The following LDHAL6A variants were observed in gnomAD, a reference collection of about 807,000 sequenced individuals.
LDHAL6A encodes the protein L-lactate dehydrogenase A-like 6A.
In LDHAL6A, 19 loss-of-function variants were observed where a neutral mutation model predicts 28.2. The ratio of observed to expected loss-of-function variants is 0.67; its 90% CI spans 0.47 to 0.99. The LOEUF is 0.99. LDHAL6A is among the 50% of genes least tolerant of loss of function. The probability of loss-of-function intolerance (pLI) is 0.00; values close to 1 mark genes in which losing one functional copy is unlikely to be tolerated. For synonymous variants in LDHAL6A, 144 were observed against 134.4 expected (o/e 1.07, Z -0.49); for missense variants, 372 against 398.6 (o/e 0.93, Z 0.57).
At chr11:18,458,598 T>C (rs953987826) in intron 1 of LDHAL6A, among the ~76,000 whole-genome samples, 1 of 152,208 alleles carries the variant, frequency 6.6e-6, no homozygotes, top group Non-Finnish European at 1.5e-5. Context: ...CTGCAACTTC[T>C]GTCATTCAAG....
chr11:18,467,994 TATATATACGTATATATATAC>T (rs1292823654), intron 3 of LDHAL6A, among the ~76,000 whole-genome samples: 902 of 62,308 alleles, frequency 0.014, 41 homozygotes, highest in African/African-American at 0.045. Context: ...TATATATGCA[TATATATACGTATATATATAC>T]ATATATATAC....
chr11:18,456,531 G>T lies in LDHAL6A; in HGVS notation c.-150G>T. ...AGCTTCTTTGCTGGTCAGATTTGTCGGTCTTTTGTGTGTCTGCAGCACCTC... is the reference window on the plus strand; with the variant it reads ...AGCTTCTTTGCTGGTCAGATTTGTCTGTCTTTTGTGTGTCTGCAGCACCTC... On this transcript the variant is annotated 5_prime_UTR_variant, in exon 1 of 7. Coordinates refer to ENST00000280706, the MANE Select transcript of LDHAL6A (RefSeq NM_144972.5). 2 of 655,390 alleles carry T rather than the reference G, an allele frequency of 3.1e-6. No homozygotes were observed. The highest frequency in any genetic ancestry group is 1.8e-5 in the South Asian group (1 of 55,350). The allele number at this position is 655,390 out of a possible 1,614,324, so 40.6% of individuals were successfully genotyped here.
intron 3 of LDHAL6A, among the ~76,000 whole-genome samples, chr11:18,473,777 A>G (rs1161947969): frequency 6.6e-6 from 1 of 152,198 alleles, no homozygotes; most frequent in Non-Finnish European, 1.5e-5. Flanking sequence ...TGTTAAACAG[A>G]AACAGTGATA....
At chr11:18,468,463 T>A (rs1247096182) in intron 3 of LDHAL6A, 1 of 152,016 alleles carries the variant, frequency 6.6e-6, no homozygotes, top group African/African-American at 2.4e-5. Flanking sequence ...CTCAGCCTCC[T>A]GAGTAGCTGG....
At chr11:18,459,844 C>A (rs1848851269) in intron 1 of LDHAL6A, among the ~76,000 whole-genome samples, 1 of 152,124 alleles carries the variant, frequency 6.6e-6, no homozygotes, top group African/African-American at 2.4e-5. Flanking sequence ...ACTGAGCATT[C>A]TGAGGAGTAC....
chr11:18,477,814 C>T (rs183481397), intron 6 of LDHAL6A, 71 bp downstream of exon 6: 136 of 1,460,000 alleles, frequency 9.3e-5, no homozygotes, highest in Middle Eastern at 1.8e-4. Flanking sequence ...TTTTGAGGCA[C>T]TCTGGTTTTG....
rs1565070874 is a variant in LDHAL6A, at chr11:18,467,902, T to TATATATATATATACACACACACAC, written c.418+2105_418+2106insCACACACACACATATATATATATA. Reference sequence around the variant, plus strand: ...ACACATATATATATATATATATATATATATATATATATATATACACACACA... The same window carrying TATATATATATATACACACACACAC: ...ACACATATATATATATATATATATATATATATATATATACACACACACACATATATATATATATATACACACACA... On this transcript the variant is annotated intron_variant, in intron 3 of 6. Transcript: ENST00000280706. Among the ~76,000 whole-genome samples, 8 of 70,854 alleles carry TATATATATATATACACACACACAC rather than the reference T, an allele frequency of 1.1e-4. 2 individuals carry two copies. Among genetic ancestry groups the TATATATATATATACACACACACAC allele is most frequent in the African/African-American group, 6.3e-4 (8 of 12,602 alleles). The allele number at this position is 70,854 out of a possible 152,430, so 46.5% of individuals were successfully genotyped here. A position where few individuals can be genotyped will look rare whatever the true frequency, so the allele number is the denominator to read the frequency against.
intron 3 of LDHAL6A, among the ~76,000 whole-genome samples, chr11:18,470,006 G>C (rs935454164): frequency 1.1e-4 from 17 of 152,064 alleles, no homozygotes; most frequent in African/African-American, 3.4e-4. Flanking sequence ...TCGGCTCACT[G>C]CAATCTCCGC....
In LDHAL6A at chr11:18,478,749, G is replaced by C. The variant is rs1849457942; in HGVS notation, c.878G>C (p.Cys293Ser). 6.2e-7 allele frequency: 1 copy of C among 1,612,968 alleles called. No homozygotes were observed. Among genetic ancestry groups the C allele is most frequent in the South Asian group, 1.1e-5 (1 of 91,044 alleles). ...GAAGACATATTCCTTAGTGTCCCAT[G>C]TATCCTGGGAGAGAATGGTATCACA... ...INEDIFLSVP[C>S]ILGENGITDL... Residue 293 changes from cysteine (C) to serine (S), a missense_variant, in exon 7 of 7, where the codon TGT (cysteine) becomes TCT (serine). By Grantham distance (112) the Cys-to-Ser change is moderately radical. Transcript: ENST00000280706.
At chr11:18,474,547 T>C (rs1590260322) in intron 3 of LDHAL6A, among the ~76,000 whole-genome samples, 1 of 152,040 alleles carries the variant, frequency 6.6e-6, no homozygotes. Flanking sequence ...CCACCATGCC[T>C]GGCTAATTTT....
intron 2 of LDHAL6A, among the ~76,000 whole-genome samples, chr11:18,464,616 G>A (rs966832170): frequency 6.6e-6 from 1 of 152,024 alleles, no homozygotes; most frequent in Non-Finnish European, 1.5e-5. Flanking sequence ...TCAGGAGGCT[G>A]AGGCAGGAGA....
chr11:18,463,839 A>G (rs1388575776), intron 1 of LDHAL6A, 122 bp from the exon 2 acceptor site: 10 of 657,132 alleles, frequency 1.5e-5, no homozygotes, highest in Admixed American at 2.4e-5. Flanking sequence ...ATCATTTATT[A>G]TGTTTCCTTT....
intron 5 of LDHAL6A, 118 bp from the exon 6 acceptor site, chr11:18,477,502 C>A (rs1849415937): frequency 3.4e-6 from 3 of 870,722 alleles, no homozygotes; most frequent in Non-Finnish European, 5.1e-6. Flanking sequence ...CAAGTAATTT[C>A]TAGAAGTTGT....
chr11:18,464,869 C>G (rs1268898103), intron 2 of LDHAL6A, among the ~76,000 whole-genome samples: 4 of 152,082 alleles, frequency 2.6e-5, no homozygotes, highest in Non-Finnish European at 5.9e-5. Flanking sequence ...ATTCAAAGGT[C>G]TGTTCACACC....
rs775924732 is a variant in LDHAL6A at position 18,477,621 on chromosome 11, G to A, written c.712G>A (p.Gly238Ser). The A allele has an allele frequency of 1.2e-6, 2 of 1,606,488 alleles. No individual in the cohort carries two copies. The highest frequency in any genetic ancestry group is 2.2e-5 in the East Asian group (1 of 44,752). Residue 238 changes from glycine to serine, a missense_variant and splice_region_variant, in exon 6 of 7, where the codon GGC becomes AGC. Transcript: ENST00000280706. ...GTTTATGGTTTCTTCTATCTACAGT[G>A]GCTATGAGATGGTCAAAATGAAAGG... ...ENVHKKVISSGYEMVKMKGYT... is the reference protein window; with the variant it reads ...ENVHKKVISSSYEMVKMKGYT...
intron 3 of LDHAL6A, among the ~76,000 whole-genome samples, chr11:18,472,900 CTT>C (rs1000794267): frequency 1.2e-4 from 19 of 152,286 alleles, no homozygotes; most frequent in Non-Finnish European, 2.4e-4. Context: ...AAAGTGAACT[CTT>C]TACCTTACCT....
At chr11:18,466,579 G>A (rs1280982305) in intron 3 of LDHAL6A, among the ~76,000 whole-genome samples, 1 of 151,134 alleles carries the variant, frequency 6.6e-6, no homozygotes, top group African/African-American at 2.4e-5. Context: ...GCTTCAGCCA[G>A]GGAGGTCAAG....
intron 1 of LDHAL6A, among the ~76,000 whole-genome samples, chr11:18,458,771 A>G (rs1449353316): frequency 2.2e-5 from 3 of 136,312 alleles, no homozygotes; most frequent in East Asian, 1.9e-4. Context: ...AATTAGTATA[A>G]TGCGAGATCC....
At position 18,478,963 on chromosome 11, in the gene LDHAL6A, G is replaced by T; in HGVS notation, c.*93G>T. 1 of 1,153,230 alleles carries T rather than the reference G, an allele frequency of 8.7e-7. No homozygotes were observed. Among genetic ancestry groups the T allele is most frequent in the Non-Finnish European group, 1.2e-6 (1 of 818,884 alleles). The allele number at this position is 1,153,230 out of a possible 1,614,324, so 71.4% of individuals were successfully genotyped here. On this transcript the variant is annotated 3_prime_UTR_variant, in exon 7 of 7. Transcript: ENST00000280706. ...TTTGAATAAATTTGAATTTCTAAAA[G>T]TTGGAAAAATAGAGGAAAGAGTGAC...
Sources: allele counts gnomAD v4.1 joint callset (sites outside exome capture counted in the v4.1 genomes callset), GRCh38; gene constraint gnomAD v4.1.1; transcripts MANE v1.5; gene names NCBI Gene and HGNC (gene_info 2026-07-23, HGNC 2026-07-21).